Variants in EVC2 observed in about 807,000 individuals in gnomAD.
The protein encoded by EVC2 is limbin.
EVC2 carries 148 observed loss-of-function variants against 149.3 expected under a neutral mutation model. The ratio of observed to expected loss-of-function variants is 0.99; its 90% confidence interval spans 0.87 to 1.14. EVC2 has a LOEUF of 1.14. EVC2 is among the 50% of genes most tolerant of loss of function. The pLI, the probability that EVC2 is intolerant of heterozygous loss-of-function variation, is 0.00. For synonymous variants in EVC2, 776 were observed against 649.9 expected (o/e 1.19, Z -2.95); for missense variants, 1,854 against 1,627.3 (o/e 1.14, Z -2.40).
chr4:5,708,096 G>A, intron 1 of EVC2, 190 bp downstream of exon 1: 2 of 471,936 alleles, frequency 4.2e-6, no homozygotes, highest in Non-Finnish European at 7.1e-6. Context: ...CCCGAGGAAG[G>A]TCTCCAGTTT....
At chr4:5,644,147 G>A (rs995686973) in intron 9 of EVC2, among the ~76,000 whole-genome samples, 6 of 152,146 alleles carry the variant, frequency 3.9e-5, no homozygotes, top group Admixed American at 3.3e-4. Context: ...TCTGGATTTG[G>A]CCAGTGGCTT....
intron 6 of EVC2, 101 bp from the exon 7 acceptor site, chr4:5,681,414 A>C: frequency 1.6e-6 from 2 of 1,216,450 alleles, no homozygotes; most frequent in Non-Finnish European, 2.4e-6. Flanking sequence ...TGGAGCTACA[A>C]TCAGCCCTAA....
intron 16 of EVC2, among the ~76,000 whole-genome samples, chr4:5,610,794 C>CTTTTTTTTTTTT (rs10690279): frequency 1.6e-5 from 2 of 126,506 alleles, no homozygotes; most frequent in African/African-American, 6.1e-5. Flanking sequence ...TTTTCCTTTT[C>CTTTTTTTTTTTT]TTTTTTTTTT....
intron 1 of EVC2, 131 bp downstream of exon 1, chr4:5,708,155 G>C: frequency 3.9e-6 from 3 of 773,684 alleles, no homozygotes; most frequent in Non-Finnish European, 5.6e-6. Context: ...GGGCCGCGAA[G>C]CACCCTATTC....
Position 5,691,306 on chromosome 4 carries a change from C to G in EVC2, c.478G>C (p.Gly160Arg), listed in dbSNP as rs1487548355. 3 of 1,613,404 alleles carry G rather than the reference C, an allele frequency of 1.9e-6. No homozygotes were observed. The highest frequency in any genetic ancestry group is 4.5e-5 in the East Asian group (2 of 44,798). ...AAAATTACTCCATTTTCAGAAGTCCCTTGAACTTCTCTTGAAATGTCCCCA... is the reference window on the plus strand; with the variant it reads ...AAAATTACTCCATTTTCAGAAGTCCGTTGAACTTCTCTTGAAATGTCCCCA... ...LYGDISREVQ[G>R]TSENGVIFQK... Residue 160 changes from glycine to arginine, a missense_variant, in exon 4 of 22, where the codon GGG becomes CGG. Physicochemically the swap from Gly to Arg is moderately radical, Grantham distance 125 (BLOSUM62 -2). Transcript: ENST00000344408.
chr4:5,602,252 T>C (rs545564964), intron 16 of EVC2, among the ~76,000 whole-genome samples: 1 of 139,804 alleles, frequency 7.2e-6, no homozygotes, highest in East Asian at 2.1e-4. Context: ...ACTGTGCCAC[T>C]GCACTCAACC....
intron 6 of EVC2, among the ~76,000 whole-genome samples, chr4:5,681,566 G>C (rs1382631941): frequency 2.0e-5 from 3 of 152,176 alleles, no homozygotes; most frequent in Admixed American, 2.0e-4. Context: ...ATGGCAGCAT[G>C]CCCTTGTGGA....
chr4:5,531,047 G>T, the EVC2 span, among the ~76,000 whole-genome samples: 1 of 152,084 alleles, frequency 6.6e-6, no homozygotes, highest in South Asian at 2.1e-4. Context: ...ACACTCTGAG[G>T]GTGGTTATTA....
At chr4:5,584,010 A>G (rs1712041454) in intron 17 of EVC2, among the ~76,000 whole-genome samples, 1 of 152,114 alleles carries the variant, frequency 6.6e-6, no homozygotes, top group South Asian at 2.1e-4. Flanking sequence ...ATTAACACTG[A>G]AGTGAGAGCA....
At chr4:5,700,296 A>T (rs988894378) in intron 1 of EVC2, among the ~76,000 whole-genome samples, 1 of 152,204 alleles carries the variant, frequency 6.6e-6, no homozygotes, top group East Asian at 1.9e-4. Flanking sequence ...TAACAAATAC[A>T]TCCATGTGGT....
chr4:5,664,770 A>C (rs568580511), intron 8 of EVC2, among the ~76,000 whole-genome samples: 37 of 152,102 alleles, frequency 2.4e-4, no homozygotes, highest in Non-Finnish European at 3.7e-4. Context: ...CACACCCTTT[A>C]CCAGACACCT....
At chr4:5,702,773 G>C (rs1721903679) in intron 1 of EVC2, among the ~76,000 whole-genome samples, 1 of 152,176 alleles carries the variant, frequency 6.6e-6, no homozygotes, top group Non-Finnish European at 1.5e-5. Context: ...TTCTTGTAGA[G>C]CCTAGACACC....
intron 9 of EVC2, among the ~76,000 whole-genome samples, chr4:5,642,423 T>C (rs1435504997): frequency 6.6e-6 from 1 of 152,236 alleles, no homozygotes; most frequent in African/African-American, 2.4e-5. Flanking sequence ...CCAGTGGTAT[T>C]TAACAACTAA....
chr4:5,683,811 G>GCCAGGAACACACACAGCTGC (rs1217324294), intron 6 of EVC2, among the ~76,000 whole-genome samples: 44 of 107,782 alleles, frequency 4.1e-4, no homozygotes, highest in African/African-American at 5.6e-4. Flanking sequence ...CACACAGCTG[G>GCCAGGAACACACACAGCTGC]CCAGGAACAC....
rs545528367 is a variant in EVC2 at position 5,568,448 on chromosome 4, G to A, written c.3553C>T (p.Arg1185Trp). 1.5e-5 allele frequency: 24 copies of A among 1,554,834 alleles called. No individual in the cohort carries two copies. Among genetic ancestry groups the A allele is most frequent in the South Asian group, 1.2e-4 (10 of 84,820 alleles). The change falls in exon 20 of 22, where the codon CGG (arginine) becomes TGG (tryptophan). Residue 1185 changes from arginine (R) to tryptophan (W), a missense_variant. By Grantham distance (101) the Arg-to-Trp change is moderately radical (BLOSUM62 -3). Transcript: ENST00000344408. The part of the protein sequence containing the change: ...GGAEQADVGR[R>W]RKHQSWWQAL... Reference sequence around the variant, plus strand: ...CAGCCCCTCCACGGCACTCACCTCCGCCTGCCCACGTCGGCCTGCTCCGCT... The same window carrying A: ...CAGCCCCTCCACGGCACTCACCTCCACCTGCCCACGTCGGCCTGCTCCGCT...
chr4:5,609,243 T>A (rs909186884), intron 16 of EVC2, among the ~76,000 whole-genome samples: 5 of 152,178 alleles, frequency 3.3e-5, no homozygotes, highest in African/African-American at 1.2e-4. Context: ...CTGCTATGGG[T>A]TCTGTTTCTC....
intron 9 of EVC2, among the ~76,000 whole-genome samples, chr4:5,648,485 A>C (rs1485234078): frequency 6.6e-6 from 1 of 152,182 alleles, no homozygotes; most frequent in Non-Finnish European, 1.5e-5. Context: ...CTGTGAAAGC[A>C]CCTGCTAGCT....
upstream of EVC2, chr4:5,708,755 A>G (rs1188891999): frequency 4.8e-6 from 2 of 417,210 alleles, no homozygotes; most frequent in Non-Finnish European, 4.2e-6. Flanking sequence ...TTGCGCCCAA[A>G]CCGAATCAGA....
intron 9 of EVC2, among the ~76,000 whole-genome samples, chr4:5,648,856 G>A (rs1043403002): frequency 6.6e-5 from 10 of 152,146 alleles, no homozygotes; most frequent in East Asian, 1.9e-4. Flanking sequence ...GTCCCTCTAC[G>A]TCGATTAAAA....
Sources: gnomAD v4.1 joint callset for allele counts (sites outside exome capture counted in the v4.1 genomes callset) on GRCh38, gnomAD v4.1.1 for gene constraint, MANE v1.5 for transcripts, NCBI Gene and HGNC (gene_info 2026-07-23, HGNC 2026-07-21) for gene names.